Variants in UBAP2 observed in about 807,000 individuals in gnomAD.
The protein encoded by UBAP2 is ubiquitin associated protein 2.
In UBAP2, 75 loss-of-function variants were observed where a neutral mutation model predicts 139.6. The ratio of observed to expected loss-of-function variants is 0.54; its 90% CI spans 0.45 to 0.65. The LOEUF is 0.65. UBAP2 is among the 30% of genes least tolerant of loss of function. The pLI, the probability that UBAP2 is intolerant of heterozygous loss-of-function variation, is 0.00. For missense variants in UBAP2, 1,368 were observed against 1,369.6 expected (o/e 1.00, Z 0.02); for synonymous variants, 526 against 526.2 (o/e 1.00, Z 0.01).
chr9:33,944,448 TG>T lies in UBAP2; in HGVS notation c.1461del (p.Ile488LeufsTer45). The T allele has an allele frequency of 6.2e-7, 1 of 1,614,150 alleles. No homozygotes were observed. The highest frequency in any genetic ancestry group is 8.5e-7 in the Non-Finnish European group (1 of 1,180,026). On this transcript the variant is annotated frameshift_variant, in exon 14 of 29. Coordinates refer to ENST00000379238, the MANE Select transcript of UBAP2 (RefSeq NM_001370062.2). LOFTEE classifies it high-confidence loss of function. The part of the protein sequence containing the change: ...VNKLLQLPST[T>X]IENISVSVHQ... Reference sequence around the variant, plus strand: ...TGGACAGACACAGAGATATTTTCAATGGTCGTGCTGGGAAGCTGCAAAAGCT... The same window carrying T: ...TGGACAGACACAGAGATATTTTCAATGTCGTGCTGGGAAGCTGCAAAAGCT...
intron 22 of UBAP2, among the ~76,000 whole-genome samples, chr9:33,925,711 CAA>C (rs1373078853): frequency 6.6e-6 from 1 of 152,228 alleles, no homozygotes; most frequent in Non-Finnish European, 1.5e-5. Flanking sequence ...TCTTCTGAAA[CAA>C]GAGCAGCTCC....
At chr9:34,010,772 T>A (rs182085789) in intron 2 of UBAP2, among the ~76,000 whole-genome samples, 39 of 152,146 alleles carry the variant, frequency 2.6e-4, no homozygotes, top group Middle Eastern at 6.8e-3. Flanking sequence ...CATTTTTTTT[T>A]AAAAAGTAAA....
Position 33,922,183 on chromosome 9 carries a change from C to T in UBAP2, c.*321G>A, listed in dbSNP as rs996651256. The T allele has an allele frequency of 1.1e-5, 4 of 350,512 alleles. No individual in the cohort carries two copies. In the Admixed American group the frequency reaches 1.3e-4, roughly 11 times the overall value. The allele number at this position is 350,512 out of a possible 1,614,324, so 21.7% of individuals were successfully genotyped here. A position where few individuals can be genotyped will look rare whatever the true frequency, so the allele number is the denominator to read the frequency against. On this transcript the variant is annotated 3_prime_UTR_variant, in exon 29 of 29. Transcript: ENST00000379238. ...GCCCCTAGTGGCCCACTGGGCAGTG[C>T]AGGCTGTGAAGAAGACCTGAAGGCA...
Position 33,978,774 on chromosome 9 carries a change from C to T in UBAP2, c.521-5537G>A, listed in dbSNP as rs981313514. Among the ~76,000 whole-genome samples the T allele has an allele frequency of 7.3e-5, 11 of 151,552 alleles. No homozygotes were observed. In the East Asian group the frequency reaches 9.7e-4, roughly 13 times the overall value. On this transcript the variant is annotated intron_variant, in intron 6 of 28. Transcript: ENST00000379238. ...CAGCCTAGGTAACAGAGCAAGACTA[C>T]GTCTCAAAAAAAAGAAAGAAAGAAA... is the stretch of plus-strand genomic sequence containing the variant.
chr9:33,983,721 T>C (rs960185908), intron 6 of UBAP2, among the ~76,000 whole-genome samples: 4 of 152,226 alleles, frequency 2.6e-5, no homozygotes, highest in African/African-American at 7.2e-5. Context: ...GAGGTGTACG[T>C]GCCAACACTC....
chr9:33,931,710 C>T (rs1823997452), intron 19 of UBAP2, among the ~76,000 whole-genome samples: 1 of 152,180 alleles, frequency 6.6e-6, no homozygotes, highest in South Asian at 2.1e-4. Context: ...GACAGGATGT[C>T]CCTTTTCCAC....
At chr9:33,984,660 A>C in intron 6 of UBAP2, among the ~76,000 whole-genome samples, 1 of 149,496 alleles carries the variant, frequency 6.7e-6, no homozygotes, top group East Asian at 1.9e-4. Context: ...CCTGGGCAAC[A>C]GAGTGAGACA....
chr9:34,047,179 G>A (rs1587714650), intron 1 of UBAP2, among the ~76,000 whole-genome samples: 1 of 152,106 alleles, frequency 6.6e-6, no homozygotes, highest in African/African-American at 2.4e-5. Context: ...GAGGCAACAG[G>A]GAAGCAAATG....
chr9:34,001,418 G>A (rs760490429), intron 2 of UBAP2, among the ~76,000 whole-genome samples: 2 of 152,184 alleles, frequency 1.3e-5, no homozygotes, highest in African/African-American at 2.4e-5. Context: ...TTTGGGAGCT[G>A]GTAAGCTCTG....
At chr9:33,931,932 CTT>C (rs2130881720) in intron 19 of UBAP2, among the ~76,000 whole-genome samples, 1 of 152,254 alleles carries the variant, frequency 6.6e-6, no homozygotes, top group Non-Finnish European at 1.5e-5. Context: ...TCCAGCCTCT[CTT>C]AAGTTTTCAT....
At chr9:33,966,342 C>T (rs1207768475) in intron 8 of UBAP2, among the ~76,000 whole-genome samples, 2 of 151,462 alleles carry the variant, frequency 1.3e-5, no homozygotes, top group African/African-American at 4.9e-5. Context: ...ACCTGTAATC[C>T]TAGCTACTCG....
intron 4 of UBAP2, chr9:33,995,409 GTATA>G (rs1006231174): frequency 7.6e-6 from 1 of 132,014 alleles, no homozygotes; most frequent in African/African-American, 2.9e-5. Context: ...TATATATAAA[GTATA>G]TATATTTATA....
chr9:33,975,801 CA>C (rs556958048), intron 6 of UBAP2, among the ~76,000 whole-genome samples: 10,586 of 72,274 alleles, frequency 0.15, 431 homozygotes, highest in Non-Finnish European at 0.2. Flanking sequence ...GACTCCGTCT[CA>C]AAAAAAAAAA....
intron 2 of UBAP2, among the ~76,000 whole-genome samples, chr9:34,015,492 G>T (rs892195771): frequency 1.7e-4 from 2 of 11,646 alleles, no homozygotes; most frequent in Non-Finnish European, 4.2e-4. Context: ...GCTAATTTTC[G>T]TATTTTTTTT....
chr9:33,982,021 A>G (rs1481069392), intron 6 of UBAP2, among the ~76,000 whole-genome samples: 1 of 152,190 alleles, frequency 6.6e-6, no homozygotes, highest in Non-Finnish European at 1.5e-5. Context: ...TTGTTAAGAT[A>G]TAAGACAGTT....
intron 2 of UBAP2, among the ~76,000 whole-genome samples, chr9:34,006,941 T>C (rs1233827145): frequency 6.6e-6 from 1 of 152,164 alleles, no homozygotes; most frequent in Non-Finnish European, 1.5e-5. Context: ...ATATACTATA[T>C]AATGAGTACC....
chr9:33,981,776 A>AAGGT (rs202125455), intron 6 of UBAP2, among the ~76,000 whole-genome samples: 16 of 136,938 alleles, frequency 1.2e-4, no homozygotes, highest in Admixed American at 6.8e-4. Flanking sequence ...GGTAGGTAGG[A>AAGGT]AGGTAGGAAG....
chr9:33,972,121 C>T (rs1335946938), intron 7 of UBAP2, among the ~76,000 whole-genome samples: 2 of 152,170 alleles, frequency 1.3e-5, no homozygotes, highest in East Asian at 3.8e-4. Context: ...ATTTTCTTCC[C>T]AAGTCAGAAT....
chr9:33,992,715 T>C (rs530434274), intron 4 of UBAP2, among the ~76,000 whole-genome samples: 1 of 151,842 alleles, frequency 6.6e-6, no homozygotes, highest in South Asian at 2.1e-4. Context: ...TACAATACCA[T>C]AGTAACTGCT....
Sources: allele counts gnomAD v4.1 joint callset (sites outside exome capture counted in the v4.1 genomes callset), GRCh38; gene constraint gnomAD v4.1.1; transcripts MANE v1.5; gene names NCBI Gene and HGNC (gene_info 2026-07-23, HGNC 2026-07-21).